The following SGK1 variants were observed in gnomAD, a reference collection of about 807,000 sequenced individuals.
The protein encoded by SGK1 is serum/glucocorticoid regulated kinase 1.
Under a neutral mutation model 64.2 loss-of-function variants are expected in SGK1, and 26 were observed. That is an observed-to-expected ratio of 0.40 (90% CI 0.30 to 0.56). The LOEUF (loss-of-function observed/expected upper bound fraction) is 0.56. Among genes scored for constraint, SGK1 ranks in the 20% least tolerant of loss-of-function variants. The probability of loss-of-function intolerance (pLI) is 0.38; values close to 1 mark genes in which losing one functional copy is unlikely to be tolerated. For synonymous variants in SGK1, 265 were observed against 239.7 expected (o/e 1.11, Z -0.98); for missense variants, 519 against 645.6 (o/e 0.80, Z 2.12).
At chr6:134,213,314 G>A (rs1402873288) in intron 2 of SGK1, among the ~76,000 whole-genome samples, 1 of 152,056 alleles carries the variant, frequency 6.6e-6, no homozygotes, top group Non-Finnish European at 1.5e-5. Context: ...CTGAGGTCAG[G>A]AGTTTGAGAC....
chr6:134,279,337 C>T (rs1042511320), intron 1 of SGK1, among the ~76,000 whole-genome samples: 1 of 151,936 alleles, frequency 6.6e-6, no homozygotes, highest in Admixed American at 6.6e-5. Context: ...GAGGCTGAGG[C>T]AAAGAATCAC....
chr6:134,170,095 G>GA lies in SGK1; in HGVS notation c.*172dup, dbSNP rs1304515411. 2.0e-6 allele frequency: 1 copy of GA among 494,590 alleles called. No individual in the cohort carries two copies. Among genetic ancestry groups the GA allele is most frequent in the Non-Finnish European group, 3.6e-6 (1 of 276,558 alleles). The allele number at this position is 494,590 out of a possible 1,614,324, so 30.6% of individuals were successfully genotyped here. A position where few individuals can be genotyped will look rare whatever the true frequency, so the allele number is the denominator to read the frequency against. On this transcript the variant is annotated 3_prime_UTR_variant, in exon 14 of 14. Coordinates refer to ENST00000367858, the MANE Select transcript of SGK1 (RefSeq NM_001143676.3). ...GAAAACCTCATGAGCTCACTGAGGA[G>GA]AATGTGCTCTTCAAAAAGCTTCCAG... is the stretch of plus-strand genomic sequence containing the variant.
chr6:134,178,636 T>C (rs911863701), intron 3 of SGK1, among the ~76,000 whole-genome samples: 1 of 152,210 alleles, frequency 6.6e-6, no homozygotes, highest in African/African-American at 2.4e-5. Flanking sequence ...CCGAACTGTT[T>C]GTAAATGCAA....
chr6:134,219,465 C>A (rs966324909), intron 2 of SGK1, among the ~76,000 whole-genome samples: 1 of 152,034 alleles, frequency 6.6e-6, no homozygotes, highest in East Asian at 1.9e-4. Context: ...CATTCTATAT[C>A]AAAACATATA....
chr6:134,216,081 A>T (rs889607511), intron 2 of SGK1, among the ~76,000 whole-genome samples: 1 of 150,212 alleles, frequency 6.7e-6, no homozygotes, highest in African/African-American at 2.4e-5. Flanking sequence ...AATTTTTTAA[A>T]ACTTTTTTTC....
At chr6:134,235,541 T>TTTTA (rs368701386) in intron 2 of SGK1, among the ~76,000 whole-genome samples, 5,664 of 91,972 alleles carry the variant, frequency 0.062, 170 homozygotes, top group Middle Eastern at 0.074. Context: ...AAATAGATAT[T>TTTTA]TTTATTTATT....
chr6:134,197,542 T>C (rs1404303881), intron 3 of SGK1, among the ~76,000 whole-genome samples: 1 of 152,048 alleles, frequency 6.6e-6, no homozygotes, highest in Non-Finnish European at 1.5e-5. Flanking sequence ...AAAGCAAAAG[T>C]AGGCCGGGCG....
chr6:134,308,832 C>T (rs111802905), intron 1 of SGK1, among the ~76,000 whole-genome samples: 1,977 of 152,296 alleles, frequency 0.013, 38 homozygotes, highest in African/African-American at 0.045. Flanking sequence ...GCTAGGATTA[C>T]AGGCGTTTGC....
In SGK1 at chr6:134,213,717, G is replaced by A. The variant is rs577985298; in HGVS notation, c.286-6286C>T. Among the ~76,000 whole-genome samples, 12 of 152,112 alleles carry A rather than the reference G, an allele frequency of 7.9e-5. No individual in the cohort carries two copies. In the East Asian group the frequency reaches 9.7e-4, roughly 12 times the overall value. On this transcript the variant is annotated intron_variant, in intron 2 of 13. Transcript: ENST00000367858. ...GTTGGAAGCTAAAGAAGTGACCAGC[G>A]CCTGGAGTTTGGCTCCTGGCTGAAT...
intron 1 of SGK1, among the ~76,000 whole-genome samples, chr6:134,278,836 GT>G (rs1777053557): frequency 6.6e-6 from 1 of 151,466 alleles, no homozygotes; most frequent in African/African-American, 2.4e-5. Context: ...AAAAGGCTCA[GT>G]TTTCAACCAT....
intron 1 of SGK1, among the ~76,000 whole-genome samples, chr6:134,300,306 A>C (rs532659376): frequency 7.2e-5 from 11 of 152,134 alleles, no homozygotes; most frequent in African/African-American, 2.6e-4. Flanking sequence ...TGGGAGGCCG[A>C]GACGGGCAGA....
intron 2 of SGK1, 53 bp from the exon 3 acceptor site, chr6:134,207,484 G>T: frequency 1.7e-6 from 2 of 1,179,752 alleles, no homozygotes; most frequent in Non-Finnish European, 2.5e-6. Context: ...CATCATTTCA[G>T]CTATTTTAGG....
At chr6:134,219,394 C>T (rs368086188) in intron 2 of SGK1, among the ~76,000 whole-genome samples, 18 of 152,282 alleles carry the variant, frequency 1.2e-4, no homozygotes, top group East Asian at 5.8e-4. Flanking sequence ...CCTCCTGGCT[C>T]TGCAGGCATT....
intron 2 of SGK1, among the ~76,000 whole-genome samples, chr6:134,234,227 C>A (rs1239145555): frequency 6.6e-6 from 1 of 152,120 alleles, no homozygotes; most frequent in African/African-American, 2.4e-5. Context: ...CATGGTGAAA[C>A]CCCATCTCTA....
At chr6:134,315,993 T>C (rs1777679437) in intron 1 of SGK1, among the ~76,000 whole-genome samples, 1 of 152,250 alleles carries the variant, frequency 6.6e-6, no homozygotes, top group Non-Finnish European at 1.5e-5. Flanking sequence ...GAAGTTGCAC[T>C]GACTTGCTTT....
rs540401369 is a variant in SGK1, at chr6:134,274,465, T to C, written c.70-12317A>G. 2.6e-5 allele frequency among the ~76,000 whole-genome samples: 4 copies of C among 152,276 alleles called. No individual in the cohort carries two copies. In the South Asian group the frequency reaches 8.3e-4, roughly 32 times the overall value. ...AGGAAACAATAATCAAATCTACTTT[T>C]AGCTCTCAAGACTATATCCTCTTCT... On this transcript the variant is annotated intron_variant, in intron 1 of 13. Coordinates refer to ENST00000367858, the MANE Select transcript of SGK1 (RefSeq NM_001143676.3).
At chr6:134,314,351 AG>A (rs111803293) in intron 1 of SGK1, among the ~76,000 whole-genome samples, 293 of 127,060 alleles carry the variant, frequency 2.3e-3, no homozygotes, top group African/African-American at 8.2e-3. Flanking sequence ...TGGTTGGGGG[AG>A]GGGGGTAGGG....
At chr6:134,263,491 A>G (rs954466323) in intron 1 of SGK1, among the ~76,000 whole-genome samples, 11 of 151,844 alleles carry the variant, frequency 7.2e-5, no homozygotes, top group South Asian at 2.1e-4. Flanking sequence ...CCGCCTCCCA[A>G]AGTGTTGGGA....
At chr6:134,297,145 A>G in intron 1 of SGK1, 1 of 597,496 alleles carries the variant, frequency 1.7e-6, no homozygotes, top group South Asian at 1.5e-5. Context: ...AGGCCCCCAT[A>G]GGCTGAGCAC....
Sources: gnomAD v4.1 joint callset for allele counts (sites outside exome capture counted in the v4.1 genomes callset) on GRCh38, gnomAD v4.1.1 for gene constraint, MANE v1.5 for transcripts, NCBI Gene and HGNC (gene_info 2026-07-23, HGNC 2026-07-21) for gene names.